LRRTM4: variants seen among roughly 807,000 people sequenced by gnomAD.
LRRTM4 encodes the protein leucine rich repeat transmembrane neuronal 4.
Under a neutral mutation model 47.6 loss-of-function variants are expected in LRRTM4, and 25 were observed. That is an observed-to-expected ratio of 0.53 (90% CI 0.38 to 0.73). The LOEUF is 0.73. Ranked by LOEUF, LRRTM4 falls within the 30% of genes least tolerant of loss-of-function variation. The pLI is 0.00. For synonymous variants in LRRTM4, 311 were observed against 269.5 expected (o/e 1.15, Z -1.51); for missense variants, 638 against 713.4 (o/e 0.89, Z 1.20).
intron 3 of LRRTM4, among the ~76,000 whole-genome samples, chr2:76,786,991 G>A: frequency 6.6e-6 from 1 of 151,746 alleles, no homozygotes; most frequent in East Asian, 1.9e-4. Context: ...TCAATTTCCA[G>A]CAATGGTCAG....
intron 3 of LRRTM4, among the ~76,000 whole-genome samples, chr2:77,038,653 C>G (rs903998273): frequency 1.3e-5 from 2 of 151,474 alleles, no homozygotes; most frequent in Non-Finnish European, 3.0e-5. Flanking sequence ...ATAACAACTT[C>G]TTGTCCCCTA....
At chr2:76,896,087 C>A (rs1160987953) in intron 3 of LRRTM4, among the ~76,000 whole-genome samples, 1 of 151,984 alleles carries the variant, frequency 6.6e-6, no homozygotes, top group Admixed American at 6.6e-5. Flanking sequence ...TATTAAAGAT[C>A]ATTATTTATT....
At chr2:77,194,466 T>C (rs1467890816) in intron 3 of LRRTM4, among the ~76,000 whole-genome samples, 1 of 152,146 alleles carries the variant, frequency 6.6e-6, no homozygotes, top group Non-Finnish European at 1.5e-5. Context: ...ACTGAACATC[T>C]CAACTTGTAA....
intron 3 of LRRTM4, among the ~76,000 whole-genome samples, chr2:77,162,095 A>T (rs1463891460): frequency 2.6e-5 from 4 of 152,194 alleles, no homozygotes; most frequent in Non-Finnish European, 5.9e-5. Flanking sequence ...GACAGGCGGT[A>T]CCTGGAAAAT....
At chr2:76,807,407 C>CACACACATAT (rs1670525706) in intron 3 of LRRTM4, among the ~76,000 whole-genome samples, 1 of 85,602 alleles carries the variant, frequency 1.2e-5, no homozygotes, top group Non-Finnish European at 2.4e-5. Context: ...TATGTATATA[C>CACACACATAT]GTATATATAT....
intron 3 of LRRTM4, among the ~76,000 whole-genome samples, chr2:77,108,560 T>G (rs2103928107): frequency 6.6e-6 from 1 of 151,368 alleles, no homozygotes; most frequent in South Asian, 2.1e-4. Flanking sequence ...ATTTAATTTT[T>G]TAAAGAACAC....
intron 3 of LRRTM4, among the ~76,000 whole-genome samples, chr2:76,832,454 CTTTTTTT>C (rs541805872): frequency 2.1e-5 from 2 of 94,032 alleles, no homozygotes; most frequent in Admixed American, 1.2e-4. Flanking sequence ...CCTCGAAGGG[CTTTTTTT>C]TTTTTTTTTT....
At chr2:77,277,044 A>T (rs1215738036) in intron 3 of LRRTM4, among the ~76,000 whole-genome samples, 1 of 151,914 alleles carries the variant, frequency 6.6e-6, no homozygotes, top group Non-Finnish European at 1.5e-5. Flanking sequence ...TTTAAAAAAC[A>T]CTAGGTAAGG....
chr2:76,835,859 G>A (rs1217390072), intron 3 of LRRTM4, among the ~76,000 whole-genome samples: 1 of 151,988 alleles, frequency 6.6e-6, no homozygotes, highest in Non-Finnish European at 1.5e-5. Context: ...ATGAATATGA[G>A]TGAGAAAATT....
intron 3 of LRRTM4, among the ~76,000 whole-genome samples, chr2:77,256,183 G>C (rs1010191415): frequency 1.3e-5 from 2 of 151,968 alleles, no homozygotes; most frequent in Admixed American, 6.6e-5. Context: ...AGGTAAAATG[G>C]ACCAATTATT....
chr2:77,083,383 T>C lies in LRRTM4; in HGVS notation c.1552-334467A>G, dbSNP rs569405073. Among the ~76,000 whole-genome samples, 27 of 152,256 alleles carry C rather than the reference T, an allele frequency of 1.8e-4. No homozygotes were observed. The South Asian group carries it at 5.4e-3, about 30-fold the overall frequency. On this transcript the variant is annotated intron_variant, in intron 3 of 3. Coordinates refer to ENST00000409884, the MANE Select transcript of LRRTM4 (RefSeq NM_001134745.3). ...AGGGATTCTTAAAGGTTTGCCAACATAGGCACCAAAACAACATAAGATGTG... is the reference window on the plus strand; with the variant it reads ...AGGGATTCTTAAAGGTTTGCCAACACAGGCACCAAAACAACATAAGATGTG...
chr2:76,975,481 A>C (rs1369312389), intron 3 of LRRTM4, among the ~76,000 whole-genome samples: 1 of 151,650 alleles, frequency 6.6e-6, no homozygotes, highest in African/African-American at 2.4e-5. Context: ...CAGAAAAGAT[A>C]AACAACTGTA....
intron 3 of LRRTM4, among the ~76,000 whole-genome samples, chr2:76,819,090 C>G (rs956695519): frequency 8.6e-5 from 13 of 151,546 alleles, no homozygotes; most frequent in Non-Finnish European, 1.8e-4. Context: ...TATTACTTTC[C>G]CGACAAATGA....
Position 77,209,426 on chromosome 2 carries a change from G to C in LRRTM4, c.1551+308892C>G, listed in dbSNP as rs1307585780. ...TGATGTGTTTGAGTGGCTTTTGTAA[G>C]AAAAAAAAAAAAACAAAAAACCAAC... On this transcript the variant is annotated intron_variant, in intron 3 of 3. Coordinates refer to ENST00000409884, the MANE Select transcript of LRRTM4 (RefSeq NM_001134745.3). Among the ~76,000 whole-genome samples the C allele has an allele frequency of 4.6e-5, 6 of 130,280 alleles. No homozygotes were observed. The East Asian group carries it at 1.3e-3, about 28-fold the overall frequency. 85.5% of individuals were successfully genotyped at this position (130,280 alleles called of 152,430 possible). A position where few individuals can be genotyped will look rare whatever the true frequency, so the allele number is the denominator to read the frequency against.
At position 77,455,042 on chromosome 2, in the gene LRRTM4, G is replaced by C. The variant is rs140494802; in HGVS notation, c.1551+63276C>G. Among the ~76,000 whole-genome samples, 464 of 152,162 alleles carry C rather than the reference G, an allele frequency of 3.0e-3. 2 individuals carry two copies. The highest frequency in any genetic ancestry group is 0.01 in the African/African-American group (421 of 41,542). On this transcript the variant is annotated intron_variant, in intron 3 of 3. Transcript: ENST00000409884. ...ATCTCTACTAAAAATACAAAAATTA[G>C]CCAGATGTGGTGGCACACACCTGTA...
intron 3 of LRRTM4, among the ~76,000 whole-genome samples, chr2:76,931,993 A>G (rs1229948302): frequency 6.6e-6 from 1 of 152,186 alleles, no homozygotes; most frequent in African/African-American, 2.4e-5. Context: ...GTATTTCCAC[A>G]AGATATTTGG....
chr2:76,921,485 A>T (rs537628335), intron 3 of LRRTM4, among the ~76,000 whole-genome samples: 1 of 152,208 alleles, frequency 6.6e-6, no homozygotes, highest in South Asian at 2.1e-4. Flanking sequence ...GAAAGCAAAT[A>T]ATTAAGCACA....
intron 3 of LRRTM4, among the ~76,000 whole-genome samples, chr2:77,290,312 T>C (rs1315418428): frequency 1.3e-5 from 2 of 151,784 alleles, no homozygotes; most frequent in Non-Finnish European, 2.9e-5. Context: ...ATTTGACATA[T>C]GTCTCATGTT....
chr2:77,296,987 A>G (rs1428453965), intron 3 of LRRTM4, among the ~76,000 whole-genome samples: 1 of 152,200 alleles, frequency 6.6e-6, no homozygotes, highest in Non-Finnish European at 1.5e-5. Flanking sequence ...CAGATTCCCT[A>G]AAGCTCGACT....
Sources: gnomAD v4.1 joint callset for allele counts (sites outside exome capture counted in the v4.1 genomes callset) on GRCh38, gnomAD v4.1.1 for gene constraint, MANE v1.5 for transcripts, NCBI Gene and HGNC (gene_info 2026-07-23, HGNC 2026-07-21) for gene names.